Variants in ST6GALNAC3 observed in about 807,000 individuals in gnomAD.
The protein encoded by ST6GALNAC3 is alpha-N-acetylgalactosaminide alpha-2,6-sialyltransferase 3.
In ST6GALNAC3, 25 loss-of-function variants were observed where a neutral mutation model predicts 32.7. That is an observed-to-expected ratio of 0.76 (90% confidence interval 0.56 to 1.07). ST6GALNAC3 has a LOEUF of 1.07. Among genes scored for constraint, ST6GALNAC3 ranks in the 50% least tolerant of loss-of-function variants. The pLI is 0.00. For synonymous variants in ST6GALNAC3, 129 were observed against 133.1 expected (o/e 0.97, Z 0.21); for missense variants, 355 against 382.4 (o/e 0.93, Z 0.60).
At chr1:76,322,754 C>G (rs1646993145) in intron 2 of ST6GALNAC3, among the ~76,000 whole-genome samples, 1 of 150,314 alleles carries the variant, frequency 6.7e-6, no homozygotes, top group African/African-American at 2.5e-5. Context: ...CTGCCCCCCA[C>G]CCCCCCACAA....
intron 1 of ST6GALNAC3, among the ~76,000 whole-genome samples, chr1:76,256,517 T>C (rs1297146246): frequency 6.6e-6 from 1 of 152,134 alleles, no homozygotes; most frequent in African/African-American, 2.4e-5. Flanking sequence ...ACTGCTTCCA[T>C]GAGTTTAAAT....
chr1:76,469,615 G>T (rs912296218), intron 3 of ST6GALNAC3, among the ~76,000 whole-genome samples: 1 of 152,062 alleles, frequency 6.6e-6, no homozygotes, highest in Non-Finnish European at 1.5e-5. Flanking sequence ...GATTCACAAT[G>T]AATAACACCA....
chr1:76,345,156 C>A (rs1457820622), intron 2 of ST6GALNAC3, among the ~76,000 whole-genome samples: 2 of 152,166 alleles, frequency 1.3e-5, no homozygotes, highest in Non-Finnish European at 2.9e-5. Flanking sequence ...TACACCATCA[C>A]CCTGCTTGTG....
intron 2 of ST6GALNAC3, among the ~76,000 whole-genome samples, chr1:76,327,203 T>G (rs973409914): frequency 2.0e-5 from 3 of 152,154 alleles, no homozygotes; most frequent in Non-Finnish European, 4.4e-5. Flanking sequence ...TTAATTTCTT[T>G]TTTTTCATAG....
chr1:76,150,315 C>A (rs916376298), intron 1 of ST6GALNAC3, among the ~76,000 whole-genome samples: 1 of 152,152 alleles, frequency 6.6e-6, no homozygotes, highest in Non-Finnish European at 1.5e-5. Flanking sequence ...TCCTCTTTAA[C>A]CTTTTATCAT....
At chr1:76,591,862 G>T (rs1647052957) in intron 3 of ST6GALNAC3, among the ~76,000 whole-genome samples, 1 of 152,104 alleles carries the variant, frequency 6.6e-6, no homozygotes, top group Non-Finnish European at 1.5e-5. Flanking sequence ...ATGTCCCTAG[G>T]ACCTAGAAGA....
chr1:76,196,768 A>G (rs562734701), intron 1 of ST6GALNAC3, among the ~76,000 whole-genome samples: 6 of 152,222 alleles, frequency 3.9e-5, no homozygotes, highest in African/African-American at 1.4e-4. Flanking sequence ...TGGCCTCTCA[A>G]TACTTTTTTT....
intron 3 of ST6GALNAC3, among the ~76,000 whole-genome samples, chr1:76,467,077 C>T (rs917155794): frequency 3.3e-5 from 5 of 151,914 alleles, no homozygotes; most frequent in African/African-American, 1.2e-4. Context: ...GGAGAATTGG[C>T]ATTTATATGA....
At chr1:76,349,163 C>A (rs978724168) in intron 2 of ST6GALNAC3, among the ~76,000 whole-genome samples, 1 of 152,116 alleles carries the variant, frequency 6.6e-6, no homozygotes, top group Admixed American at 6.6e-5. Context: ...TGTGTATCCT[C>A]CCCTAGACTC....
chr1:76,381,440 A>G (rs1228264711), intron 2 of ST6GALNAC3, among the ~76,000 whole-genome samples: 2 of 152,164 alleles, frequency 1.3e-5, no homozygotes, highest in Non-Finnish European at 2.9e-5. Flanking sequence ...ATTAGTAAAC[A>G]TTTATTGAAT....
chr1:76,412,500 A>G (rs904680642), intron 3 of ST6GALNAC3, 83 bp downstream of exon 3: 25 of 1,355,228 alleles, frequency 1.8e-5, no homozygotes, highest in Non-Finnish European at 2.4e-5. Flanking sequence ...AGGATATAAA[A>G]TGAACAGTTA....
At chr1:76,622,654 A>T (rs1648721891) in intron 3 of ST6GALNAC3, among the ~76,000 whole-genome samples, 2 of 151,974 alleles carry the variant, frequency 1.3e-5, no homozygotes, top group African/African-American at 4.8e-5. Flanking sequence ...TCCTGTCCAA[A>T]ATGTTAATAG....
chr1:76,468,156 G>A (rs748758962), intron 3 of ST6GALNAC3, among the ~76,000 whole-genome samples: 2 of 151,786 alleles, frequency 1.3e-5, no homozygotes, highest in African/African-American at 2.4e-5. Context: ...ATAGGCAAGT[G>A]AGTGAGGGTG....
chr1:76,106,769 A>G (rs776282247), intron 1 of ST6GALNAC3, among the ~76,000 whole-genome samples: 2 of 152,234 alleles, frequency 1.3e-5, no homozygotes, highest in East Asian at 1.9e-4. Context: ...AGGACACAGA[A>G]CAATTATTGA....
chr1:76,336,866 C>G (rs368361495), intron 2 of ST6GALNAC3, among the ~76,000 whole-genome samples: 46 of 152,210 alleles, frequency 3.0e-4, no homozygotes, highest in African/African-American at 1.1e-3. Context: ...AAATCCACAT[C>G]GCCTGCCATC....
intron 2 of ST6GALNAC3, among the ~76,000 whole-genome samples, chr1:76,400,316 G>C (rs1653306639): frequency 6.6e-6 from 1 of 152,062 alleles, no homozygotes; most frequent in South Asian, 2.1e-4. Flanking sequence ...ATGATCATTT[G>C]ATTTTACTGT....
At chr1:76,107,020 C>A (rs527454551) in intron 1 of ST6GALNAC3, among the ~76,000 whole-genome samples, 2 of 152,178 alleles carry the variant, frequency 1.3e-5, no homozygotes, top group South Asian at 4.1e-4. Flanking sequence ...AGGGTAATTA[C>A]CACATGCTGT....
At chr1:76,246,148 T>C (rs1657245112) in intron 1 of ST6GALNAC3, among the ~76,000 whole-genome samples, 1 of 152,244 alleles carries the variant, frequency 6.6e-6, no homozygotes, top group Non-Finnish European at 1.5e-5. Context: ...ATTGATCCCT[T>C]TACCATTATG....
At chr1:76,358,705 G>A (rs749200131) in intron 2 of ST6GALNAC3, among the ~76,000 whole-genome samples, 1 of 151,968 alleles carries the variant, frequency 6.6e-6, no homozygotes, top group Admixed American at 6.6e-5. Flanking sequence ...AAGAGTCTCC[G>A]GGATTCTTCT....
Sources: allele counts gnomAD v4.1 joint callset (sites outside exome capture counted in the v4.1 genomes callset), GRCh38; gene constraint gnomAD v4.1.1; transcripts MANE v1.5; gene names NCBI Gene and HGNC (gene_info 2026-07-23, HGNC 2026-07-21).